MTFR1: variants seen among roughly 807,000 people sequenced by gnomAD.
MTFR1 encodes chondrocyte protein with a poly-proline region.
A neutral mutation model predicts 38.8 loss-of-function variants in MTFR1; 28 were observed. The observed-to-expected ratio is 0.72, with a 90% CI of 0.53 to 0.99. The LOEUF (loss-of-function observed/expected upper bound fraction) is 0.99. Among genes scored for constraint, MTFR1 ranks in the 50% least tolerant of loss-of-function variants. The pLI is 0.00. For missense variants in MTFR1, 358 were observed against 395.5 expected, an observed-to-expected ratio of 0.91 and a Z score of 0.81; for synonymous variants, 145 against 137.0, an observed-to-expected ratio of 1.06 and a Z score of -0.41.
intron 3 of MTFR1, 91 bp from the exon 4 acceptor site, chr8:65,693,553 A>G: frequency 1.1e-6 from 1 of 948,010 alleles, no homozygotes; most frequent in Non-Finnish European, 1.7e-6. Context: ...TTTTAACACC[A>G]GAGCTGACGA....
rs758352612 is a variant in MTFR1 at position 65,704,712 on chromosome 8, G to A, written c.300G>A (p.Arg100=). ...CTTGCAGGACAGAGGTCAGATCAAG[G>A]CCACCCCTTCAGGATGACCTTCTTT... ...SARLRTEVRS[R]PPLQDDLLFF... The change falls in exon 5 of 8, where the codon AGG becomes AGA. Residue 100 remains arginine (R), a synonymous_variant. Coordinates refer to ENST00000262146, the MANE Select transcript of MTFR1 (RefSeq NM_014637.4). The A allele has an allele frequency of 5.0e-6, 8 of 1,614,088 alleles. No individual in the cohort carries two copies. Among genetic ancestry groups the A allele is most frequent in the Non-Finnish European group, 6.8e-6 (8 of 1,179,996 alleles).
At chr8:65,675,794 G>A (rs1009508074) in intron 2 of MTFR1, among the ~76,000 whole-genome samples, 9 of 152,176 alleles carry the variant, frequency 5.9e-5, no homozygotes, top group Admixed American at 5.2e-4. Flanking sequence ...TGCTATAATG[G>A]CCTGTTTTCT....
chr8:65,773,466 A>G (rs1809169263), downstream of MTFR1, among the ~76,000 whole-genome samples: 1 of 152,184 alleles, frequency 6.6e-6, no homozygotes, highest in African/African-American at 2.4e-5. Context: ...AGCTGCCTCC[A>G]GTGTTCTAAA....
At chr8:65,714,076 CACT>C (rs146962008), downstream of MTFR1, among the ~76,000 whole-genome samples, 6,025 of 151,696 alleles carry the variant, frequency 0.04, 209 homozygotes, top group African/African-American at 0.099. Context: ...AACAACCCAA[CACT>C]ACTGATACCA....
At chr8:65,742,929 G>A (rs16932325) in intron 3 of MTFR1, among the ~76,000 whole-genome samples, 3,206 of 152,314 alleles carry the variant, frequency 0.021, 39 homozygotes, top group South Asian at 0.037. Flanking sequence ...AAAGGAAAGC[G>A]AAGTGCTTAG....
Position 65,707,190 on chromosome 8 carries a change from C to T in MTFR1, c.698C>T (p.Pro233Leu). Reference sequence around the variant, plus strand: ...TTGGTTAAGAACAATCCAAAGAAACCTGAAATGCCAAATATGCTAGAGATC... The same window carrying T: ...TTGGTTAAGAACAATCCAAAGAAACTTGAAATGCCAAATATGCTAGAGATC... The part of the protein sequence containing the change: ...KTLVKNNPKK[P>L]EMPNMLEILK... Residue 233 changes from proline to leucine, a missense_variant, in exon 6 of 8, where the codon CCT (proline) becomes CTT (leucine). Transcript: ENST00000262146. 1 of 1,614,134 alleles carries T rather than the reference C, an allele frequency of 6.2e-7. No homozygotes were observed. The highest frequency in any genetic ancestry group is 1.1e-5 in the South Asian group (1 of 91,088).
intron 2 of MTFR1, chr8:65,718,565 C>G (rs1367653576): frequency 6.6e-6 from 1 of 152,360 alleles, no homozygotes; most frequent in Non-Finnish European, 1.5e-5. Flanking sequence ...AAATTAAAAA[C>G]TAATTGCTAA....
chr8:65,668,375 A>G (rs1175466681), intron 1 of MTFR1, among the ~76,000 whole-genome samples: 3 of 145,264 alleles, frequency 2.1e-5, no homozygotes, highest in Admixed American at 7.0e-5. Context: ...TTTAATAGAG[A>G]TGGGATTTTA....
chr8:65,654,494 A>G (rs1386139661), intron 1 of MTFR1, among the ~76,000 whole-genome samples: 7 of 152,164 alleles, frequency 4.6e-5, no homozygotes, highest in African/African-American at 1.7e-4. Context: ...TTCAGTGAAT[A>G]CCCTTGCCAG....
intron 3 of MTFR1, among the ~76,000 whole-genome samples, chr8:65,743,687 A>G (rs1267537581): frequency 6.6e-6 from 1 of 152,218 alleles, no homozygotes; most frequent in South Asian, 2.1e-4. Context: ...TTCATTTTAC[A>G]TATTTGGCAT....
intron 3 of MTFR1, among the ~76,000 whole-genome samples, chr8:65,763,523 C>G (rs1808613875): frequency 6.6e-6 from 1 of 152,050 alleles, no homozygotes; most frequent in South Asian, 2.1e-4. Flanking sequence ...CGAGATCATG[C>G]CATTGCACTA....
intron 2 of MTFR1, among the ~76,000 whole-genome samples, chr8:65,716,437 T>G (rs184190996): frequency 1.1e-4 from 16 of 152,116 alleles, no homozygotes; most frequent in Non-Finnish European, 1.6e-4. Context: ...CAGAAGCTGA[T>G]GTAGAGAAGC....
intron 1 of MTFR1, among the ~76,000 whole-genome samples, chr8:65,664,633 A>G (rs72666525): frequency 0.21 from 28,018 of 133,654 alleles, 2,851 homozygotes; most frequent in Middle Eastern, 0.26. Context: ...TTTTTTCTCC[A>G]TCTCCCAGGC....
At chr8:65,743,484 A>G (rs1026912126) in intron 3 of MTFR1, among the ~76,000 whole-genome samples, 6 of 152,174 alleles carry the variant, frequency 3.9e-5, no homozygotes, top group Non-Finnish European at 7.3e-5. Context: ...TCTGCTGATA[A>G]AGACAAACTT....
intron 1 of MTFR1, among the ~76,000 whole-genome samples, chr8:65,669,332 T>C (rs1804492282): frequency 6.6e-6 from 1 of 152,226 alleles, no homozygotes; most frequent in Non-Finnish European, 1.5e-5. Flanking sequence ...ACGTCCTTGG[T>C]TGTGTAGCCT....
chr8:65,643,920 G>C (rs906565686), upstream of MTFR1, among the ~76,000 whole-genome samples: 1 of 152,072 alleles, frequency 6.6e-6, no homozygotes, highest in African/African-American at 2.4e-5. Context: ...CCCGGGGCAA[G>C]AACATCAGAG....
intron 3 of MTFR1, among the ~76,000 whole-genome samples, chr8:65,744,237 A>T (rs1480859521): frequency 1.3e-5 from 2 of 151,990 alleles, no homozygotes; most frequent in Non-Finnish European, 2.9e-5. Flanking sequence ...AAACAAAACA[A>T]CAAAAAAAAA....
rs1040776858 is a variant in MTFR1 at position 65,709,168 on chromosome 8, T to C, written c.*124T>C. ...GTATTCAGTGGTCTTCTTTTCAGGCTAATTAGTGGATTAAGCAATAATGAA... is the reference window on the plus strand; with the variant it reads ...GTATTCAGTGGTCTTCTTTTCAGGCCAATTAGTGGATTAAGCAATAATGAA... On this transcript the variant is annotated 3_prime_UTR_variant, in exon 8 of 8. Coordinates refer to ENST00000262146, the MANE Select transcript of MTFR1 (RefSeq NM_014637.4). 1.1e-6 allele frequency: 1 copy of C among 877,078 alleles called. No individual in the cohort carries two copies. The highest frequency in any genetic ancestry group is 1.8e-6 in the Non-Finnish European group (1 of 543,780). The allele number at this position is 877,078 out of a possible 1,614,324, so 54.3% of individuals were successfully genotyped here.
intron 2 of MTFR1, among the ~76,000 whole-genome samples, chr8:65,676,929 G>C (rs978594402): frequency 1.3e-5 from 2 of 152,012 alleles, no homozygotes; most frequent in African/African-American, 4.8e-5. Flanking sequence ...TTCAAACACT[G>C]TTGCTAAATG....
Sources: gnomAD v4.1 joint callset for allele counts (sites outside exome capture counted in the v4.1 genomes callset) on GRCh38, gnomAD v4.1.1 for gene constraint, MANE v1.5 for transcripts, NCBI Gene and HGNC (gene_info 2026-07-23, HGNC 2026-07-21) for gene names.